The following LRP11 variants were observed in gnomAD, a reference collection of about 807,000 sequenced individuals.
LRP11 encodes the protein low-density lipoprotein receptor-related protein 11.
A neutral mutation model predicts 43.1 loss-of-function variants in LRP11; 25 were observed. The observed-to-expected ratio is 0.58, with a 90% CI of 0.42 to 0.81. LRP11 has a LOEUF of 0.81. Among genes scored for constraint, LRP11 ranks in the 30% least tolerant of loss-of-function variants. LRP11 has a pLI of 0.00. For synonymous variants in LRP11, 316 were observed against 299.4 expected, an observed-to-expected ratio of 1.06 and a Z score of -0.57; for missense variants, 623 against 665.1, an observed-to-expected ratio of 0.94 and a Z score of 0.70.
At chr6:149,836,348 T>C in intron 4 of LRP11, 51 bp from the exon 5 acceptor site, 2 of 1,515,276 alleles carry the variant, frequency 1.3e-6, no homozygotes, top group Admixed American at 1.7e-5. Context: ...TTCTGAGCTT[T>C]AATACTAAAA....
chr6:149,829,547 C>T (rs774184730), intron 5 of LRP11, among the ~76,000 whole-genome samples: 9 of 150,436 alleles, frequency 6.0e-5, no homozygotes, highest in South Asian at 2.1e-4. Flanking sequence ...GGTAAGAGAA[C>T]GAGACTCCAT....
At chr6:149,831,094 T>C (rs1368376486) in intron 5 of LRP11, among the ~76,000 whole-genome samples, 1 of 152,208 alleles carries the variant, frequency 6.6e-6, no homozygotes, top group Non-Finnish European at 1.5e-5. Flanking sequence ...AATAGTTACT[T>C]TTGGTAATGA....
chr6:149,838,725 T>G (rs896776471), intron 3 of LRP11, among the ~76,000 whole-genome samples: 5 of 151,976 alleles, frequency 3.3e-5, no homozygotes, highest in African/African-American at 1.2e-4. Context: ...ATTTCTCCCT[T>G]CTGGAGTTCT....
Position 149,820,645 on chromosome 6 carries a change from A to G in LRP11, c.1407T>C (p.Val469=). 1 of 781,060 alleles carries G rather than the reference A, an allele frequency of 1.3e-6. No homozygotes were observed. The highest frequency in any genetic ancestry group is 1.3e-5 in the South Asian group (1 of 74,632). The allele number at this position is 781,060 out of a possible 1,614,324, so 48.4% of individuals were successfully genotyped here. A position where few individuals can be genotyped will look rare whatever the true frequency, so the allele number is the denominator to read the frequency against. Reference sequence around the variant, plus strand: ...GTTTCACCAGTCGTAGTCGGCATGCAACCATGAGAAGCAGCAGAGCAGTGA... The same window carrying G: ...GTTTCACCAGTCGTAGTCGGCATGCGACCATGAGAAGCAGCAGAGCAGTGA... ...LAITALLLLM[V]ACRLRLVKQK... is the part of the protein sequence containing the mutation. Residue 469 remains valine (V), a synonymous_variant, in exon 7 of 7, where the codon GTT becomes GTC. Transcript: ENST00000239367.
Position 149,863,659 on chromosome 6 carries a change from G to C in LRP11, c.362C>G (p.Pro121Arg). 3.4e-6 allele frequency: 5 copies of C among 1,471,150 alleles called. No individual in the cohort carries two copies. The highest frequency in any genetic ancestry group is 1.3e-5 in the South Asian group (1 of 78,034). 91.1% of individuals were successfully genotyped at this position (1,471,150 alleles called of 1,614,324 possible). A position where few individuals can be genotyped will look rare whatever the true frequency, so the allele number is the denominator to read the frequency against. The change falls in exon 1 of 7, where the codon CCG becomes CGG. Residue 121 changes from proline (P) to arginine (R), a missense_variant. Pro to Arg is a moderately radical substitution (Grantham distance 103, BLOSUM62 -2). Coordinates refer to ENST00000239367, the MANE Select transcript of LRP11 (RefSeq NM_032832.6). ...TTGCCGCCAGCCCCGCACGGCCGCC[G>C]GCGCCCGCAGGAAGCTGGCACCCGC... ...LAAGASFLRA[P>R]AAVRGWRQCV... is the part of the protein sequence containing the mutation.
In LRP11 at chr6:149,857,998, C is replaced by A. The variant is rs549137190; in HGVS notation, c.614-4838G>T. Among the ~76,000 whole-genome samples the A allele has an allele frequency of 3.3e-5, 5 of 152,262 alleles. No homozygotes were observed. The East Asian group carries it at 9.6e-4, about 29-fold the overall frequency. On this transcript the variant is annotated intron_variant, in intron 1 of 6. Transcript: ENST00000239367. ...TGATGCAGAAACTAGGCTCAGAGGG[C>A]TAAGTTACATCACACAGGCGATAAA...
chr6:149,831,307 A>C (rs1776405531), intron 5 of LRP11, among the ~76,000 whole-genome samples: 1 of 152,236 alleles, frequency 6.6e-6, no homozygotes, highest in South Asian at 2.1e-4. Flanking sequence ...TCAAGTTTCA[A>C]AAAGCAGATT....
chr6:149,863,892 C>A lies in LRP11; in HGVS notation c.129G>T (p.Ala43=). Residue 43 remains alanine, a synonymous_variant, in exon 1 of 7, where the codon GCG becomes GCT. Coordinates refer to ENST00000239367, the MANE Select transcript of LRP11 (RefSeq NM_032832.6). ...PSGRAALPPA[A]PLSELHAQLS... ...GCTGCGCGTGCAGTTCGGACAGCGG[C>A]GCCGCGGGCGGCAAGGCCGCACGGC... 6.7e-7 allele frequency: 1 copy of A among 1,490,074 alleles called. No homozygotes were observed. Among genetic ancestry groups the A allele is most frequent in the Non-Finnish European group, 8.9e-7 (1 of 1,128,090 alleles). 92.3% of individuals were successfully genotyped at this position (1,490,074 alleles called of 1,614,324 possible). A position where few individuals can be genotyped will look rare whatever the true frequency, so the allele number is the denominator to read the frequency against.
intron 1 of LRP11, among the ~76,000 whole-genome samples, chr6:149,861,227 C>T (rs1375442212): frequency 2.0e-5 from 3 of 152,164 alleles, no homozygotes; most frequent in African/African-American, 7.2e-5. Flanking sequence ...AGCATCTGAG[C>T]AGGGGACACA....
chr6:149,850,477 G>A (rs966272590), intron 2 of LRP11, among the ~76,000 whole-genome samples: 1 of 152,118 alleles, frequency 6.6e-6, no homozygotes, highest in Non-Finnish European at 1.5e-5. Flanking sequence ...ATTTTTCAAA[G>A]ACATTAGTTA....
At chr6:149,860,376 C>G (rs1776872707) in intron 1 of LRP11, among the ~76,000 whole-genome samples, 1 of 152,056 alleles carries the variant, frequency 6.6e-6, no homozygotes, top group African/African-American at 2.4e-5. Flanking sequence ...TTCTGGAATC[C>G]TAGCAGCTCT....
At position 149,853,089 on chromosome 6, in the gene LRP11, G is replaced by T; in HGVS notation, c.685C>A (p.Leu229Ile). ...TCATCTGTGCTCTCGCGGCCGTCTA[G>T]AACCACCCCGTCTGTGGGCAGATGC... ...VLHLPTDGVV[L>I]DGRESTDDHA... Residue 229 changes from leucine (L) to isoleucine (I), a missense_variant, in exon 2 of 7, where the codon CTA becomes ATA. Physicochemically the swap from Leu to Ile is conservative, Grantham distance 5. Transcript: ENST00000239367. 6.2e-7 allele frequency: 1 copy of T among 1,612,650 alleles called. No homozygotes were observed. The highest frequency in any genetic ancestry group is 8.5e-7 in the Non-Finnish European group (1 of 1,179,286).
At chr6:149,861,566 T>A (rs1188347890) in intron 1 of LRP11, among the ~76,000 whole-genome samples, 1 of 152,160 alleles carries the variant, frequency 6.6e-6, no homozygotes, top group Non-Finnish European at 1.5e-5. Context: ...CAGGCTGGAG[T>A]GCAGTGGCGC....
At chr6:149,828,215 A>G (rs1035624447) in intron 5 of LRP11, among the ~76,000 whole-genome samples, 3 of 151,982 alleles carry the variant, frequency 2.0e-5, no homozygotes, top group East Asian at 1.9e-4. Context: ...ATTTTATTAT[A>G]TATGATTCTG....
chr6:149,837,305 C>A (rs760833762), intron 4 of LRP11, 33 bp downstream of exon 4: 14 of 1,604,462 alleles, frequency 8.7e-6, no homozygotes, highest in South Asian at 1.1e-5. Flanking sequence ...TCCCTTCCAG[C>A]CACTGCCTAG....
At chr6:149,847,302 C>T (rs1004419785) in intron 2 of LRP11, among the ~76,000 whole-genome samples, 1 of 152,254 alleles carries the variant, frequency 6.6e-6, no homozygotes, top group Non-Finnish European at 1.5e-5. Flanking sequence ...CTCTCTGATA[C>T]AGGCAACACT....
At chr6:149,841,860 C>T (rs533089894) in intron 3 of LRP11, among the ~76,000 whole-genome samples, 135 of 151,806 alleles carry the variant, frequency 8.9e-4, no homozygotes, top group Non-Finnish European at 1.6e-3. Flanking sequence ...TGCAGTGAGC[C>T]GAGACTGCAC....
In LRP11 at chr6:149,838,491, C is replaced by A. The variant is rs2115386403; in HGVS notation, c.914-1028G>T. On this transcript the variant is annotated intron_variant, in intron 3 of 6. Transcript: ENST00000239367. Reference sequence around the variant, plus strand: ...ACAAGGTCAGGAGATCGAGACCATCCTGGCTAACACGGTGAAACCCCGTCT... The same window carrying A: ...ACAAGGTCAGGAGATCGAGACCATCATGGCTAACACGGTGAAACCCCGTCT... Among the ~76,000 whole-genome samples the A allele has an allele frequency of 2.0e-5, 3 of 151,628 alleles. No individual in the cohort carries two copies. The South Asian group carries it at 6.3e-4, about 32-fold the overall frequency.
chr6:149,826,883 T>C (rs1452794860), intron 5 of LRP11, among the ~76,000 whole-genome samples: 1 of 152,138 alleles, frequency 6.6e-6, no homozygotes. Context: ...GCAAACTGGT[T>C]TCTTGGTAGA....
Sources: gnomAD v4.1 joint callset for allele counts (sites outside exome capture counted in the v4.1 genomes callset) on GRCh38, gnomAD v4.1.1 for gene constraint, MANE v1.5 for transcripts, NCBI Gene and HGNC (gene_info 2026-07-23, HGNC 2026-07-21) for gene names.